The following PTPRD variants were observed in gnomAD, a reference collection of about 807,000 sequenced individuals.
PTPRD encodes protein tyrosine phosphatase receptor type D.
PTPRD carries 34 observed loss-of-function variants against 214.5 expected under a neutral mutation model. The observed-to-expected ratio is 0.16, with a 90% CI of 0.12 to 0.21. The LOEUF (loss-of-function observed/expected upper bound fraction) is 0.21, where lower values mean the gene tolerates loss of function less well. PTPRD is among the 10% of genes least tolerant of loss of function. The pLI, the probability that PTPRD is intolerant of heterozygous loss-of-function variation, is 1.00. For synonymous variants in PTPRD, 1,128 were observed against 845.7 expected (o/e 1.33, Z -5.79); for missense variants, 2,545 against 2,398.7 (o/e 1.06, Z -1.27).
intron 11 of PTPRD, among the ~76,000 whole-genome samples, chr9:8,923,217 T>G (rs964009613): frequency 1.8e-4 from 28 of 151,740 alleles, no homozygotes; most frequent in Non-Finnish European, 3.7e-4. Flanking sequence ...AATTTTTGTA[T>G]TTTTAGTAGA....
chr9:9,217,313 C>G (rs1038922375), intron 9 of PTPRD, among the ~76,000 whole-genome samples: 7 of 152,188 alleles, frequency 4.6e-5, no homozygotes, highest in Admixed American at 2.0e-4. Flanking sequence ...ACTTAAGAAG[C>G]CTGCGTGGCA....
chr9:9,225,063 T>C (rs1258073441), intron 9 of PTPRD, among the ~76,000 whole-genome samples: 2 of 152,058 alleles, frequency 1.3e-5, no homozygotes, highest in Non-Finnish European at 2.9e-5. Flanking sequence ...TAGGGAATAA[T>C]TGTTCCTGTT....
intron 2 of PTPRD, among the ~76,000 whole-genome samples, chr9:10,445,287 G>A (rs970646676): frequency 3.9e-5 from 6 of 152,158 alleles, no homozygotes; most frequent in Non-Finnish European, 8.8e-5. Flanking sequence ...GAACTACTTT[G>A]AGTTGCAATT....
At chr9:10,606,338 C>T (rs746505116) in intron 2 of PTPRD, among the ~76,000 whole-genome samples, 2 of 151,728 alleles carry the variant, frequency 1.3e-5, no homozygotes, top group Non-Finnish European at 2.9e-5. Context: ...ATTCTCTACC[C>T]CCTCCATCCT....
intron 9 of PTPRD, among the ~76,000 whole-genome samples, chr9:9,272,716 T>C (rs183951857): frequency 5.3e-5 from 8 of 151,398 alleles, no homozygotes; most frequent in Admixed American, 4.0e-4. Context: ...CAGAAGTCAG[T>C]TTCTTGTTTT....
At chr9:9,627,636 C>T (rs1187791587) in intron 7 of PTPRD, among the ~76,000 whole-genome samples, 40 of 152,150 alleles carry the variant, frequency 2.6e-4, no homozygotes. Flanking sequence ...TGTTGAATAG[C>T]TGAATTCTTC....
chr9:9,779,597 A>G (rs956553224), intron 5 of PTPRD, among the ~76,000 whole-genome samples: 1 of 152,222 alleles, frequency 6.6e-6, no homozygotes, highest in Admixed American at 6.6e-5. Flanking sequence ...AGAAACATAT[A>G]TAAAAAATGC....
chr9:10,464,001 T>C (rs4472567), intron 2 of PTPRD, among the ~76,000 whole-genome samples: 7,467 of 152,214 alleles, frequency 0.049, 627 homozygotes, highest in African/African-American at 0.17. Context: ...GAATAACTCT[T>C]TATTTTAAAA....
At chr9:8,938,872 A>T (rs1409939059) in intron 11 of PTPRD, among the ~76,000 whole-genome samples, 1 of 152,126 alleles carries the variant, frequency 6.6e-6, no homozygotes, top group East Asian at 1.9e-4. Context: ...ACAAGTTCAA[A>T]TGCCCTCTTC....
intron 11 of PTPRD, among the ~76,000 whole-genome samples, chr9:8,807,377 G>C (rs1049289358): frequency 1.3e-5 from 2 of 152,130 alleles, no homozygotes; most frequent in East Asian, 3.9e-4. Context: ...GCTTTAAAAA[G>C]ATGAAAATAG....
At chr9:9,964,234 G>A (rs975039028) in intron 4 of PTPRD, among the ~76,000 whole-genome samples, 1 of 152,176 alleles carries the variant, frequency 6.6e-6, no homozygotes, top group East Asian at 1.9e-4. Context: ...GTTTGGGAGT[G>A]AGGGAATCAT....
chr9:8,672,337 G>A (rs2097303743), intron 12 of PTPRD, among the ~76,000 whole-genome samples: 1 of 152,082 alleles, frequency 6.6e-6, no homozygotes, highest in Non-Finnish European at 1.5e-5. Flanking sequence ...AAATTAAAGG[G>A]AAAAGTCACC....
At chr9:10,465,843 T>C (rs2098989826) in intron 2 of PTPRD, among the ~76,000 whole-genome samples, 1 of 152,192 alleles carries the variant, frequency 6.6e-6, no homozygotes, top group Non-Finnish European at 1.5e-5. Context: ...TATGTCTTCA[T>C]TGTTAAGCAG....
chr9:8,381,811 G>C (rs1420576574), intron 37 of PTPRD, among the ~76,000 whole-genome samples: 1 of 152,128 alleles, frequency 6.6e-6, no homozygotes, highest in East Asian at 1.9e-4. Flanking sequence ...GTTGACATAG[G>C]GAGCTGCCGT....
At chr9:10,182,121 G>A (rs969860343) in intron 3 of PTPRD, among the ~76,000 whole-genome samples, 56 of 149,652 alleles carry the variant, frequency 3.7e-4, no homozygotes, top group Non-Finnish European at 6.4e-4. Context: ...AAATCCGGGT[G>A]TGGTGGTGTG....
intron 2 of PTPRD, among the ~76,000 whole-genome samples, chr9:10,488,630 G>T (rs1286535983): frequency 6.6e-6 from 1 of 152,082 alleles, no homozygotes; most frequent in Non-Finnish European, 1.5e-5. Context: ...AGTCTACTTG[G>T]TGATCTATTT....
At chr9:10,154,486 T>G (rs1339642569) in intron 3 of PTPRD, among the ~76,000 whole-genome samples, 1 of 152,160 alleles carries the variant, frequency 6.6e-6, no homozygotes, top group Non-Finnish European at 1.5e-5. Flanking sequence ...ATTTGTCAAT[T>G]TTTGCATTGG....
At chr9:8,541,433 G>C (rs1387613459) in intron 14 of PTPRD, among the ~76,000 whole-genome samples, 1 of 152,114 alleles carries the variant, frequency 6.6e-6, no homozygotes, top group Non-Finnish European at 1.5e-5. Flanking sequence ...GTCTCACTAA[G>C]TTGCCCAGGC....
intron 5 of PTPRD, among the ~76,000 whole-genome samples, chr9:9,876,734 C>A (rs2153726832): frequency 6.6e-6 from 1 of 152,100 alleles, no homozygotes; most frequent in South Asian, 2.1e-4. Flanking sequence ...ATGTCAGAAT[C>A]ATGCAACATC....
Sources: gnomAD v4.1 joint callset for allele counts (sites outside exome capture counted in the v4.1 genomes callset) on GRCh38, gnomAD v4.1.1 for gene constraint, MANE v1.5 for transcripts, NCBI Gene and HGNC (gene_info 2026-07-23, HGNC 2026-07-21) for gene names.